The following FXYD6 variants were observed in gnomAD, a reference collection of about 807,000 sequenced individuals.
FXYD6 encodes FXYD domain-containing ion transport regulator 6.
In FXYD6, 7 loss-of-function variants were observed where a neutral mutation model predicts 16.7. The observed-to-expected ratio is 0.42, with a 90% CI of 0.24 to 0.79. The LOEUF (loss-of-function observed/expected upper bound fraction) is 0.79. FXYD6 is among the 30% of genes least tolerant of loss of function. The pLI is 0.28. For synonymous variants in FXYD6, 49 were observed against 43.0 expected, an observed-to-expected ratio of 1.14 and a Z score of -0.54; for missense variants, 111 against 116.2, an observed-to-expected ratio of 0.95 and a Z score of 0.21.
At chr11:117,842,641 G>C in intron 2 of FXYD6, 78 bp downstream of exon 2, 7 of 1,453,136 alleles carry the variant, frequency 4.8e-6, no homozygotes, top group African/African-American at 1.4e-5. Context: ...AATGTCCCAA[G>C]GGGCCCAGAA....
chr11:117,857,649 C>T (rs187759885), intron 1 of FXYD6, among the ~76,000 whole-genome samples: 67 of 152,126 alleles, frequency 4.4e-4, no homozygotes, highest in African/African-American at 1.4e-3. Flanking sequence ...CCTCGTGAGC[C>T]GCCCACCTCA....
chr11:117,853,684 G>T (rs933562576), intron 1 of FXYD6, among the ~76,000 whole-genome samples: 5 of 152,106 alleles, frequency 3.3e-5, no homozygotes, highest in African/African-American at 9.7e-5. Flanking sequence ...TAGAGACAGG[G>T]TTTCACCATG....
intron 1 of FXYD6, among the ~76,000 whole-genome samples, chr11:117,851,069 C>T (rs559724807): frequency 6.6e-6 from 1 of 152,232 alleles, no homozygotes; most frequent in East Asian, 1.9e-4. Flanking sequence ...TACTAATATT[C>T]GTACTTCATG....
At chr11:117,862,497 C>T (rs2056928905) in intron 1 of FXYD6, among the ~76,000 whole-genome samples, 1 of 152,202 alleles carries the variant, frequency 6.6e-6, no homozygotes, top group Admixed American at 6.5e-5. Flanking sequence ...CCTTCCCTGG[C>T]TACAGGGCCG....
chr11:117,857,768 G>C (rs2056768534), intron 1 of FXYD6, among the ~76,000 whole-genome samples: 1 of 152,150 alleles, frequency 6.6e-6, no homozygotes, highest in South Asian at 2.1e-4. Flanking sequence ...GGAAAATAGG[G>C]GGAGAGTGGT....
intron 1 of FXYD6, among the ~76,000 whole-genome samples, chr11:117,858,728 CCTTCCTTCCTT>C (rs1565323986): frequency 1.7e-4 from 9 of 54,088 alleles, no homozygotes; most frequent in African/African-American, 5.7e-4. Flanking sequence ...TCCTTCCCTT[CCTTCCTTCCTT>C]CCTTCCTTCC....
rs1333950531 is a variant in FXYD6 at position 117,874,834 on chromosome 11, TGAG to T, written c.-6+1755_-6+1757del. Among the ~76,000 whole-genome samples the T allele has an allele frequency of 4.6e-5, 7 of 152,372 alleles. No homozygotes were observed. The South Asian group carries it at 1.4e-3, about 32-fold the overall frequency. Reference sequence around the variant, plus strand: ...CACCTGGAGCTCCGGACTGGGGCTTTGAGGAGGAGGGAAAAGGGCTGCGCCCAC... The same window carrying T: ...CACCTGGAGCTCCGGACTGGGGCTTTGAGGAGGGAAAAGGGCTGCGCCCAC... On this transcript the variant is annotated intron_variant, in intron 1 of 7. Coordinates refer to ENST00000526014, the MANE Select transcript of FXYD6 (RefSeq NM_022003.4).
At chr11:117,862,539 A>G (rs1415360576) in intron 1 of FXYD6, among the ~76,000 whole-genome samples, 1 of 152,204 alleles carries the variant, frequency 6.6e-6, no homozygotes, top group East Asian at 1.9e-4. Flanking sequence ...TCTGCTGGAA[A>G]GAGACCAGGA....
intron 1 of FXYD6, among the ~76,000 whole-genome samples, chr11:117,858,800 A>T (rs56394956): frequency 1.5e-5 from 2 of 134,648 alleles, no homozygotes; most frequent in African/African-American, 2.9e-5. Flanking sequence ...TTTTTTAGAC[A>T]GTCTCGCTCT....
chr11:117,876,903 C>G (rs1301289004), upstream of FXYD6: 1 of 152,268 alleles, frequency 6.6e-6, no homozygotes, highest in Non-Finnish European at 1.5e-5. Context: ...TCCTCTGCTC[C>G]TCTCTCCTCT....
At chr11:117,855,647 G>A (rs777169220) in intron 1 of FXYD6, among the ~76,000 whole-genome samples, 2 of 152,196 alleles carry the variant, frequency 1.3e-5, no homozygotes, top group African/African-American at 2.4e-5. Flanking sequence ...AGTTCCGGGC[G>A]AGAGATTCTA....
At chr11:117,848,899 A>G (rs2056540792) in intron 1 of FXYD6, among the ~76,000 whole-genome samples, 1 of 152,092 alleles carries the variant, frequency 6.6e-6, no homozygotes, top group South Asian at 2.1e-4. Flanking sequence ...CGATGCTTAT[A>G]GTTTTTTTGA....
At chr11:117,854,159 G>A (rs2056671016) in intron 1 of FXYD6, among the ~76,000 whole-genome samples, 1 of 152,186 alleles carries the variant, frequency 6.6e-6, no homozygotes, top group Non-Finnish European at 1.5e-5. Context: ...GGAGACTGGA[G>A]TCAAGATGTG....
At chr11:117,847,761 T>C (rs1276377765) in intron 1 of FXYD6, among the ~76,000 whole-genome samples, 1 of 152,292 alleles carries the variant, frequency 6.6e-6, no homozygotes, top group South Asian at 2.1e-4. Flanking sequence ...ATCCAGTCTA[T>C]CATTGTTGGA....
At chr11:117,860,348 C>A (rs2056876387) in intron 1 of FXYD6, among the ~76,000 whole-genome samples, 1 of 152,188 alleles carries the variant, frequency 6.6e-6, no homozygotes, top group African/African-American at 2.4e-5. Flanking sequence ...CCATCCCAGT[C>A]CAGCAGGCTG....
At chr11:117,851,843 T>C (rs2056616348) in intron 1 of FXYD6, among the ~76,000 whole-genome samples, 1 of 152,250 alleles carries the variant, frequency 6.6e-6, no homozygotes, top group South Asian at 2.1e-4. Flanking sequence ...GTAATCTCTT[T>C]CCTTTGAATA....
chr11:117,857,462 T>C (rs1475811365), intron 1 of FXYD6, among the ~76,000 whole-genome samples: 1 of 144,892 alleles, frequency 6.9e-6, no homozygotes, highest in Non-Finnish European at 1.5e-5. Context: ...CAGGCTGGAG[T>C]GCAGTGGCGC....
At chr11:117,864,330 T>C (rs561152731) in intron 1 of FXYD6, among the ~76,000 whole-genome samples, 10 of 152,096 alleles carry the variant, frequency 6.6e-5, no homozygotes, top group Non-Finnish European at 1.3e-4. Flanking sequence ...GCCAAGACCA[T>C]TCAATGGGGA....
intron 1 of FXYD6, chr11:117,844,165 G>A (rs961595892): frequency 7.9e-5 from 12 of 152,584 alleles, no homozygotes; most frequent in African/African-American, 2.2e-4. Flanking sequence ...CGGCCACCAG[G>A]GGTCAGAACG....
Sources: gnomAD v4.1 joint callset for allele counts (sites outside exome capture counted in the v4.1 genomes callset) on GRCh38, gnomAD v4.1.1 for gene constraint, MANE v1.5 for transcripts, NCBI Gene and HGNC (gene_info 2026-07-23, HGNC 2026-07-21) for gene names.